Variants in ACOT11 observed in about 807,000 individuals in gnomAD.
ACOT11 encodes the protein acyl-CoA thioesterase 11.
In ACOT11, 69 loss-of-function variants were observed where a neutral mutation model predicts 77.5. The ratio of observed to expected loss-of-function variants is 0.89; its 90% CI spans 0.73 to 1.09. ACOT11 has a LOEUF of 1.09. Ranked by LOEUF, ACOT11 falls within the 50% of genes least tolerant of loss-of-function variation. The probability of loss-of-function intolerance (pLI) is 0.00; values close to 1 mark genes in which losing one functional copy is unlikely to be tolerated. For synonymous variants in ACOT11, 279 were observed against 313.0 expected, an observed-to-expected ratio of 0.89 and a Z score of 1.15; for missense variants, 766 against 813.7, an observed-to-expected ratio of 0.94 and a Z score of 0.71.
chr1:54,622,082 T>C (rs528525077), intron 15 of ACOT11, among the ~76,000 whole-genome samples: 1 of 151,424 alleles, frequency 6.6e-6, no homozygotes, highest in African/African-American at 2.4e-5. Flanking sequence ...AAGACCATCC[T>C]GGCCAACATG....
At chr1:54,604,728 A>T (rs1454031242) in intron 12 of ACOT11, among the ~76,000 whole-genome samples, 1 of 152,020 alleles carries the variant, frequency 6.6e-6, no homozygotes, top group Non-Finnish European at 1.5e-5. Context: ...CACTGCAGGG[A>T]TCGGGGCAGC....
At position 54,607,342 on chromosome 1, in the gene ACOT11, A is replaced by G. The variant is rs2101007168; in HGVS notation, c.1502+77A>G. The G allele has an allele frequency of 6.3e-7, 1 of 1,588,322 alleles. No individual in the cohort carries two copies. Among genetic ancestry groups the G allele is most frequent in the East Asian group, 2.3e-5 (1 of 44,402 alleles). On this transcript the variant is annotated intron_variant, in intron 14 of 15. Coordinates refer to ENST00000343744, the MANE Select transcript of ACOT11 (RefSeq NM_147161.4). The surrounding 1 kb of genome is among the most constrained non-coding windows in gnomAD (Gnocchi z 4.5). ...GGTGGCCGCTTCTCCCTCCCAGGGAAGGGCATCAGCCTGGAGCCAGAGCTC... is the reference window on the plus strand; with the variant it reads ...GGTGGCCGCTTCTCCCTCCCAGGGAGGGGCATCAGCCTGGAGCCAGAGCTC...
chr1:54,567,642 C>T (rs1412815630), intron 1 of ACOT11, among the ~76,000 whole-genome samples: 4 of 150,862 alleles, frequency 2.7e-5, no homozygotes, highest in Admixed American at 1.3e-4. Context: ...GTCCCCTAGC[C>T]GCTCGCAAAC....
downstream of ACOT11, chr1:54,614,703 G>C (rs764576047): frequency 6.2e-7 from 1 of 1,612,088 alleles, no homozygotes; most frequent in South Asian, 1.1e-5. Context: ...CACTCACTGT[G>C]TGGCATTGAC....
chr1:54,577,115 T>C (rs1654142927), intron 1 of ACOT11, among the ~76,000 whole-genome samples: 1 of 152,238 alleles, frequency 6.6e-6, no homozygotes, highest in Non-Finnish European at 1.5e-5. Context: ...ATGTTTTCTC[T>C]CAATAATTAA....
Position 54,584,563 on chromosome 1 carries a change from C to A in ACOT11, c.34-92C>A. 7.9e-7 allele frequency: 1 copy of A among 1,269,652 alleles called. No individual in the cohort carries two copies. The highest frequency in any genetic ancestry group is 1.1e-6 in the Non-Finnish European group (1 of 908,528). 78.6% of individuals were successfully genotyped at this position (1,269,652 alleles called of 1,614,324 possible). The stretch of plus-strand genomic sequence containing the variant: ...AGGTGGCCCTAGGTACTCTCTCTCC[C>A]CCAGACCCTAAGTTCTCAGGGCTGG... On this transcript the variant is annotated intron_variant, in intron 1 of 15. Transcript: ENST00000343744. The surrounding 1 kb of genome is among the most constrained non-coding windows in gnomAD (Gnocchi z 6.3).
At chr1:54,548,736 G>C in intron 1 of ACOT11, 1 of 255,754 alleles carries the variant, frequency 3.9e-6, no homozygotes, top group Non-Finnish European at 7.5e-6. Flanking sequence ...CAAAGCTGAT[G>C]GGAGTGACAG....
intron 1 of ACOT11, among the ~76,000 whole-genome samples, chr1:54,581,951 G>C (rs942588000): frequency 1.3e-5 from 2 of 152,148 alleles, no homozygotes; most frequent in African/African-American, 4.8e-5. Flanking sequence ...GGAAGGAGTG[G>C]AGTCTGAAAG....
At chr1:54,629,903 T>A (rs1300903989) in intron 15 of ACOT11, among the ~76,000 whole-genome samples, 1 of 133,076 alleles carries the variant, frequency 7.5e-6, no homozygotes, top group African/African-American at 2.6e-5. Context: ...TTTTTTTATT[T>A]TTATTTTTAT....
intron 1 of ACOT11, among the ~76,000 whole-genome samples, chr1:54,581,395 G>T (rs2100974793): frequency 6.6e-6 from 1 of 152,290 alleles, no homozygotes; most frequent in South Asian, 2.1e-4. Context: ...GCCCAGCAGG[G>T]CTTATATTGG....
intron 1 of ACOT11, among the ~76,000 whole-genome samples, chr1:54,563,407 T>G (rs907022285): frequency 6.6e-6 from 1 of 152,216 alleles, no homozygotes; most frequent in East Asian, 1.9e-4. Flanking sequence ...AACCCAAGCC[T>G]CAGTTCCCTT....
intron 1 of ACOT11, among the ~76,000 whole-genome samples, chr1:54,581,024 T>G (rs1654286780): frequency 6.6e-6 from 1 of 152,136 alleles, no homozygotes; most frequent in Non-Finnish European, 1.5e-5. Flanking sequence ...CTGAGAGCAG[T>G]GGGGAGCCAT....
At position 54,584,969 on chromosome 1, in the gene ACOT11, A is replaced by C; in HGVS notation, c.241+107A>C. On this transcript the variant is annotated intron_variant, in intron 2 of 15. Transcript: ENST00000343744. The surrounding 1 kb of genome is among the most constrained non-coding windows in gnomAD (Gnocchi z 6.3). ...ACCCTAAGTGCCACACTTGTTTCTC[A>C]TCTTGGCCTTTGCTCATGCTGGTCC... 6.2e-4 allele frequency: 767 copies of C among 1,227,626 alleles called. No individual in the cohort carries two copies. Among genetic ancestry groups the C allele is most frequent in the Non-Finnish European group, 7.6e-4 (676 of 888,648 alleles). 76.0% of individuals were successfully genotyped at this position (1,227,626 alleles called of 1,614,324 possible). A position where few individuals can be genotyped will look rare whatever the true frequency, so the allele number is the denominator to read the frequency against.
intron 9 of ACOT11, among the ~76,000 whole-genome samples, chr1:54,601,802 C>T (rs732507): frequency 0.043 from 6,557 of 152,324 alleles, 362 homozygotes; most frequent in South Asian, 0.23. Flanking sequence ...GCAGTCCCTA[C>T]CTCACAGGAC....
In ACOT11 at chr1:54,588,512, A is replaced by G. The variant is rs891725597; in HGVS notation, c.311+2608A>G. Among the ~76,000 whole-genome samples, 8 of 152,142 alleles carry G rather than the reference A, an allele frequency of 5.3e-5. No homozygotes were observed. In the East Asian group the frequency reaches 1.3e-3, roughly 26 times the overall value. ...CCCAGGATATACTACCAGGCAGGCA[A>G]TCTGGGCCCAGAGCCCTTGCTCTTA... is the stretch of plus-strand genomic sequence containing the variant. On this transcript the variant is annotated intron_variant, in intron 3 of 15. Coordinates refer to ENST00000343744, the MANE Select transcript of ACOT11 (RefSeq NM_147161.4).
downstream of ACOT11, chr1:54,614,952 GTGCA>G (rs1262494359): frequency 2.6e-5 from 33 of 1,286,408 alleles, no homozygotes; most frequent in Middle Eastern, 1.9e-4. Context: ...GTGTGTGTGT[GTGCA>G]TGTGCGTGCA....
intron 15 of ACOT11, chr1:54,615,991 C>A: frequency 1.2e-6 from 2 of 1,610,050 alleles, no homozygotes; most frequent in Non-Finnish European, 1.7e-6. Context: ...GGGCTGGGGG[C>A]CGGAGAGGGT....
chr1:54,555,606 T>C (rs1456919937), intron 1 of ACOT11, among the ~76,000 whole-genome samples: 2 of 152,216 alleles, frequency 1.3e-5, no homozygotes, highest in South Asian at 2.1e-4. Flanking sequence ...ATTTTTGCTT[T>C]TGTTGCCTGT....
intron 3 of ACOT11, among the ~76,000 whole-genome samples, chr1:54,586,502 G>A (rs1205513453): frequency 4.0e-5 from 6 of 151,470 alleles, no homozygotes; most frequent in African/African-American, 1.5e-4. Context: ...CACGATCTTG[G>A]TTCACTGCAA....
Sources: gnomAD v4.1 joint callset for allele counts (sites outside exome capture counted in the v4.1 genomes callset) on GRCh38, gnomAD v4.1.1 for gene constraint, Gnocchi (gnomAD v3.1) non-coding constraint, MANE v1.5 for transcripts, NCBI Gene and HGNC (gene_info 2026-07-23, HGNC 2026-07-21) for gene names.